ANKRD36C: variants seen among roughly 807,000 people sequenced by gnomAD.
ANKRD36C encodes the protein ankyrin repeat domain 36C.
In ANKRD36C, 61 loss-of-function variants were observed where a neutral mutation model predicts 276.4. The ratio of observed to expected loss-of-function variants is 0.22; its 90% CI spans 0.18 to 0.27. The LOEUF is 0.27. Ranked by LOEUF, ANKRD36C falls within the 10% of genes least tolerant of loss-of-function variation. The pLI is 1.00. For missense variants in ANKRD36C, 1,447 were observed against 2,032.3 expected (o/e 0.71, Z 5.54); for synonymous variants, 483 against 680.1 (o/e 0.71, Z 4.51).
chr2:95,901,921 A>G (rs1224459530), intron 42 of ANKRD36C, among the ~76,000 whole-genome samples: 4 of 149,268 alleles, frequency 2.7e-5, no homozygotes, highest in African/African-American at 9.9e-5. Context: ...ATCAACTTTG[A>G]CATACTTCTA....
intron 38 of ANKRD36C, among the ~76,000 whole-genome samples, chr2:95,915,249 T>C (rs757535746): frequency 1.3e-5 from 2 of 151,584 alleles, no homozygotes; most frequent in African/African-American, 4.8e-5. Context: ...AGCCAACCTA[T>C]TCATATTTAA....
intron 64 of ANKRD36C, 107 bp from the exon 85 acceptor site, chr2:95,852,303 CT>C: frequency 3.5e-6 from 3 of 855,964 alleles, no homozygotes; most frequent in Non-Finnish European, 5.5e-6. Context: ...CTATCAGAAT[CT>C]TTTTTATTTA....
intron 42 of ANKRD36C, among the ~76,000 whole-genome samples, chr2:95,907,812 A>C (rs1676786761): frequency 1.3e-5 from 2 of 149,946 alleles, no homozygotes; most frequent in Non-Finnish European, 3.0e-5. Flanking sequence ...AATCAACAAA[A>C]CATGTATCTC....
At chr2:95,925,600 T>C (rs1191099612) in intron 28 of ANKRD36C, 53 bp from the exon 29 acceptor site, 31 of 1,488,990 alleles carry the variant, frequency 2.1e-5, no homozygotes, top group African/African-American at 4.2e-5. Context: ...GATAAAGTCG[T>C]CCACACATTC....
intron 59 of ANKRD36C, among the ~76,000 whole-genome samples, chr2:95,873,743 T>C (rs1384021920): frequency 1.3e-5 from 2 of 152,254 alleles, no homozygotes; most frequent in Non-Finnish European, 1.5e-5. Context: ...AAATTGTCCC[T>C]GTTTGCAGAT....
At chr2:95,972,936 G>A (rs901858063) in intron 6 of ANKRD36C, among the ~76,000 whole-genome samples, 1 of 152,164 alleles carries the variant, frequency 6.6e-6, no homozygotes, top group Non-Finnish European at 1.5e-5. Context: ...AACTCACCAA[G>A]GTTTCTTTTA....
chr2:95,893,677 T>A lies in ANKRD36C; in HGVS notation c.2756-1817A>T, dbSNP rs1040981582. 1.2e-6 allele frequency: 2 copies of A among 1,603,788 alleles called. No homozygotes were observed. Among genetic ancestry groups the A allele is most frequent in the Admixed American group, 1.7e-5 (1 of 59,304 alleles). On this transcript the variant is annotated intron_variant, in intron 44 of 66. Coordinates refer to ENST00000456556, the Ensembl canonical transcript of ANKRD36C. ...ACCATACATTAACTCGTTCACAATA[T>A]AAATGAGAGTTTCATTACCTTCAAG...
At chr2:95,944,960 C>T (rs1344773251) in intron 18 of ANKRD36C, among the ~76,000 whole-genome samples, 154 bp downstream of exon 18, 1 of 152,364 alleles carries the variant, frequency 6.6e-6, no homozygotes, top group Admixed American at 6.5e-5. Flanking sequence ...TCACTTGAAC[C>T]CAGGAGGTGG....
chr2:95,938,531 A>C (rs1677780543), intron 22 of ANKRD36C, among the ~76,000 whole-genome samples: 1 of 152,150 alleles, frequency 6.6e-6, no homozygotes, highest in Non-Finnish European at 1.5e-5. Context: ...AGCACTGAAA[A>C]TATTTAGTGT....
At chr2:95,885,140 C>G (rs1291438342) in intron 52 of ANKRD36C, among the ~76,000 whole-genome samples, 1 of 151,808 alleles carries the variant, frequency 6.6e-6, no homozygotes. Context: ...TTTACATTCA[C>G]AAATCACTCC....
At chr2:95,878,098 C>T (rs1259654241) in intron 58 of ANKRD36C, among the ~76,000 whole-genome samples, 1 of 147,710 alleles carries the variant, frequency 6.8e-6, no homozygotes. Context: ...GCAGGAGAAT[C>T]GCTTTAACCC....
chr2:95,856,528 TAAC>T, intron 62 of ANKRD36C, among the ~76,000 whole-genome samples: 1 of 152,180 alleles, frequency 6.6e-6, no homozygotes, highest in Admixed American at 6.5e-5. Flanking sequence ...GTTTACACTC[TAAC>T]ATCTAAACTA....
At chr2:95,878,862 C>T (rs887341275) in intron 58 of ANKRD36C, among the ~76,000 whole-genome samples, 14 of 152,044 alleles carry the variant, frequency 9.2e-5, no homozygotes, top group African/African-American at 3.4e-4. Flanking sequence ...CCATTGGTGG[C>T]ATTATGAATT....
intron 58 of ANKRD36C, among the ~76,000 whole-genome samples, chr2:95,879,027 C>T (rs975878157): frequency 6.6e-6 from 1 of 152,194 alleles, no homozygotes; most frequent in Non-Finnish European, 1.5e-5. Flanking sequence ...TATTGCAGCA[C>T]TTTCCACAAT....
exon 1 of ANKRD36C, chr2:95,991,600 G>T: frequency 6.2e-7 from 1 of 1,614,050 alleles, no homozygotes; most frequent in Non-Finnish European, 8.5e-7. Flanking sequence ...ACAGCTCTGT[G>T]GATCCCCTTC....
At chr2:95,913,967 A>C in intron 40 of ANKRD36C, 141 bp downstream of exon 42, 1 of 940,710 alleles carries the variant, frequency 1.1e-6, no homozygotes, top group Non-Finnish European at 1.6e-6. Context: ...GCATCACCCA[A>C]GAACTTATTT....
chr2:95,916,802 T>A (rs377623535), intron 36 of ANKRD36C, among the ~76,000 whole-genome samples: 1 of 151,784 alleles, frequency 6.6e-6, no homozygotes, highest in East Asian at 2.0e-4. Flanking sequence ...TAGTTTAGCC[T>A]TCCTATAATT....
At chr2:95,973,456 A>G (rs1678739297) in intron 6 of ANKRD36C, among the ~76,000 whole-genome samples, 1 of 152,186 alleles carries the variant, frequency 6.6e-6, no homozygotes, top group African/African-American at 2.4e-5. Context: ...AATAATTTGC[A>G]TCATTCAGGT....
At chr2:95,893,921 C>A (rs558126774) in intron 44 of ANKRD36C, among the ~76,000 whole-genome samples, 197 bp from the exon 63 acceptor site, 9 of 151,472 alleles carry the variant, frequency 5.9e-5, no homozygotes, top group Admixed American at 2.6e-4. Flanking sequence ...ATGAAATATA[C>A]CCTTGCAATT....
Sources: allele counts gnomAD v4.1 joint callset (sites outside exome capture counted in the v4.1 genomes callset), GRCh38; gene constraint gnomAD v4.1.1; transcripts MANE v1.5; gene names NCBI Gene and HGNC (gene_info 2026-07-23, HGNC 2026-07-21).